LEPROTL1: variants seen among roughly 807,000 people sequenced by gnomAD.
The protein encoded by LEPROTL1 is leptin receptor overlapping transcript like 1, also known as leptin receptor overlapping transcript-like 1.
LEPROTL1 carries 6 observed loss-of-function variants against 15.4 expected under a neutral mutation model. The observed-to-expected ratio is 0.39, with a 90% CI of 0.21 to 0.77. The LOEUF (loss-of-function observed/expected upper bound fraction) is 0.77. Ranked by LOEUF, LEPROTL1 falls within the 30% of genes least tolerant of loss-of-function variation. The pLI is 0.41. For synonymous variants in LEPROTL1, 56 were observed against 52.6 expected (o/e 1.06, Z -0.28); for missense variants, 128 against 158.1 (o/e 0.81, Z 1.02).
At chr8:30,105,184 T>C (rs998336609) in intron 3 of LEPROTL1, 1 of 152,204 alleles carries the variant, frequency 6.6e-6, no homozygotes, top group East Asian at 1.9e-4. Context: ...ACTCAGTTCT[T>C]CCTCCCAAAC....
chr8:30,128,162 G>C (rs1802936040), intron 3 of LEPROTL1, among the ~76,000 whole-genome samples: 1 of 152,118 alleles, frequency 6.6e-6, no homozygotes, highest in Admixed American at 6.5e-5. Flanking sequence ...TACATCTCTG[G>C]CTCCGACTTC....
downstream of LEPROTL1, among the ~76,000 whole-genome samples, chr8:30,112,237 T>C (rs1051093107): frequency 6.6e-6 from 1 of 151,818 alleles, no homozygotes; most frequent in East Asian, 1.9e-4. Flanking sequence ...TTGTAACCAT[T>C]TTTCTTTTCT....
chr8:30,135,822 G>A (rs1803127213), intron 4 of LEPROTL1, among the ~76,000 whole-genome samples: 1 of 151,320 alleles, frequency 6.6e-6, no homozygotes, highest in South Asian at 2.1e-4. Flanking sequence ...GCTGAGGTGG[G>A]AGGATTGCTT....
At chr8:30,115,539 A>ATTTTTTTT (rs71206228) in intron 3 of LEPROTL1, among the ~76,000 whole-genome samples, 6 of 74,380 alleles carry the variant, frequency 8.1e-5, no homozygotes, top group African/African-American at 2.2e-4. Context: ...TGCCTGGCTA[A>ATTTTTTTT]TTTTTTTTTT....
chr8:30,117,305 TAGTG>T (rs1802756499), intron 3 of LEPROTL1: 11 of 723,648 alleles, frequency 1.5e-5, no homozygotes, highest in Non-Finnish European at 2.0e-5. Flanking sequence ...CTGGACAAAA[TAGTG>T]AGACCCTGTT....
At position 30,107,134 on chromosome 8, in the gene LEPROTL1, T is replaced by A. The variant is rs904295909; in HGVS notation, c.*1272T>A. 3.7e-4 allele frequency: 368 copies of A among 984,284 alleles called. No homozygotes were observed. The highest frequency in any genetic ancestry group is 2.3e-3 in the Admixed American group (37 of 16,248). The allele number at this position is 984,284 out of a possible 1,614,324, so 61.0% of individuals were successfully genotyped here. On this transcript the variant is annotated 3_prime_UTR_variant, in exon 4 of 4. Coordinates refer to ENST00000321250, the MANE Select transcript of LEPROTL1 (RefSeq NM_015344.3). ...CTGTATACCTCTGAACTGTTTTGAT[T>A]TTGAGTTCATCATGATAGATCTGCT...
At chr8:30,119,937 C>T (rs769325493) in intron 3 of LEPROTL1, among the ~76,000 whole-genome samples, 5 of 152,012 alleles carry the variant, frequency 3.3e-5, no homozygotes, top group South Asian at 2.1e-4. Context: ...AGCGTGGTGG[C>T]GTATGCTTGT....
At chr8:30,122,181 A>AAT (rs1554484555) in intron 3 of LEPROTL1, among the ~76,000 whole-genome samples, 3 of 151,706 alleles carry the variant, frequency 2.0e-5, no homozygotes, top group African/African-American at 7.3e-5. Context: ...AAAAAAAAAA[A>AAT]TTAACTTTAG....
At position 30,108,000 on chromosome 8, in the gene LEPROTL1, CAAT is replaced by C. The variant is rs1242843951; in HGVS notation, c.*2140_*2142del. 4.2e-6 allele frequency: 4 copies of C among 959,884 alleles called. No individual in the cohort carries two copies. Among genetic ancestry groups the C allele is most frequent in the Admixed American group, 1.2e-4 (2 of 16,230 alleles). 59.5% of individuals were successfully genotyped at this position (959,884 alleles called of 1,614,324 possible). ...ATTTTCCATAGAATATGCACTGATACAATATTACCATTCTTCTATGGAAAGAAA... is the reference window on the plus strand; with the variant it reads ...ATTTTCCATAGAATATGCACTGATACATTACCATTCTTCTATGGAAAGAAA... On this transcript the variant is annotated 3_prime_UTR_variant, in exon 4 of 4. Transcript: ENST00000321250.
chr8:30,098,720 A>G (rs1330926424), intron 1 of LEPROTL1, among the ~76,000 whole-genome samples: 1 of 152,236 alleles, frequency 6.6e-6, no homozygotes, highest in Non-Finnish European at 1.5e-5. Context: ...TGGACCCTCC[A>G]GAGTCTCAGT....
intron 3 of LEPROTL1, among the ~76,000 whole-genome samples, chr8:30,119,012 C>G (rs747509142): frequency 6.6e-6 from 1 of 152,108 alleles, no homozygotes; most frequent in Non-Finnish European, 1.5e-5. Context: ...TCCCATCCCC[C>G]GAGGCCATAT....
At chr8:30,117,578 T>G (rs1486173088) in intron 3 of LEPROTL1, 3 of 1,408,740 alleles carry the variant, frequency 2.1e-6, no homozygotes, top group Non-Finnish European at 3.0e-6. Flanking sequence ...TTAGCCTGTC[T>G]GTGAGGTTCA....
rs1358815936 is a variant in LEPROTL1, at chr8:30,107,384, T to C, written c.*1522T>C. ...ATTTTGTTAAGGATATTTGTTTGTA[T>C]GTTTATTCAGTATACTTACATAAAA... is the stretch of plus-strand genomic sequence containing the variant. On this transcript the variant is annotated 3_prime_UTR_variant, in exon 4 of 4. Coordinates refer to ENST00000321250, the MANE Select transcript of LEPROTL1 (RefSeq NM_015344.3). 1.0e-6 allele frequency: 1 copy of C among 985,394 alleles called. No homozygotes were observed. Among genetic ancestry groups the C allele is most frequent in the Non-Finnish European group, 1.2e-6 (1 of 829,582 alleles). The allele number at this position is 985,394 out of a possible 1,614,324, so 61.0% of individuals were successfully genotyped here.
chr8:30,132,382 A>T, exon 4 of LEPROTL1: 1 of 1,551,722 alleles, frequency 6.4e-7, no homozygotes, highest in Non-Finnish European at 8.7e-7. Flanking sequence ...CAGGGTCCAG[A>T]TGTCTGCATC....
intron 3 of LEPROTL1, among the ~76,000 whole-genome samples, chr8:30,124,092 T>G (rs1051702708): frequency 6.6e-6 from 1 of 152,116 alleles, no homozygotes; most frequent in African/African-American, 2.4e-5. Context: ...ACTAACTGTC[T>G]TTTATAACCT....
At chr8:30,115,282 A>C (rs1211380124) in intron 3 of LEPROTL1, among the ~76,000 whole-genome samples, 1 of 151,954 alleles carries the variant, frequency 6.6e-6, no homozygotes, top group Non-Finnish European at 1.5e-5. Flanking sequence ...ACTTAAGCCC[A>C]GGAGGCAGAG....
intron 3 of LEPROTL1, among the ~76,000 whole-genome samples, chr8:30,115,513 C>T (rs1389525172): frequency 1.3e-5 from 2 of 148,608 alleles, no homozygotes. Flanking sequence ...GCTGGGACTA[C>T]AGGCACGCAC....
rs1321089683 is a variant in LEPROTL1, at chr8:30,097,682, A to AT, written c.16+2154_16+2155insT. Among the ~76,000 whole-genome samples the AT allele has an allele frequency of 4.5e-4, 58 of 128,060 alleles. 2 individuals are homozygous for AT. The highest frequency in any genetic ancestry group is 1.2e-3 in the African/African-American group (39 of 32,164). 84.0% of individuals were successfully genotyped at this position (128,060 alleles called of 152,430 possible). A position where few individuals can be genotyped will look rare whatever the true frequency, so the allele number is the denominator to read the frequency against. On this transcript the variant is annotated intron_variant, in intron 1 of 3. Coordinates refer to ENST00000321250, the MANE Select transcript of LEPROTL1 (RefSeq NM_015344.3). ...GTGAGACTCTGTCTCAAAAAAAAAA[A>AT]AAATATATATATATATACACACACA...
chr8:30,133,156 A>G (rs938178558), intron 4 of LEPROTL1, among the ~76,000 whole-genome samples: 10 of 152,152 alleles, frequency 6.6e-5, no homozygotes, highest in South Asian at 2.1e-4. Flanking sequence ...GGCTTAAGCA[A>G]TCTGCCTGTC....
Sources: gnomAD v4.1 joint callset for allele counts (sites outside exome capture counted in the v4.1 genomes callset) on GRCh38, gnomAD v4.1.1 for gene constraint, MANE v1.5 for transcripts, NCBI Gene and HGNC (gene_info 2026-07-23, HGNC 2026-07-21) for gene names.